Variants in HPSE2 observed in about 807,000 individuals in gnomAD.
HPSE2 encodes the protein inactive heparanase-2.
HPSE2 carries 38 observed loss-of-function variants against 60.5 expected under a neutral mutation model. The observed-to-expected ratio is 0.63, with a 90% CI of 0.48 to 0.82. The LOEUF (loss-of-function observed/expected upper bound fraction) is 0.82. Ranked by LOEUF, HPSE2 falls within the 40% of genes least tolerant of loss-of-function variation. The pLI, the probability that HPSE2 is intolerant of heterozygous loss-of-function variation, is 0.00. For missense variants in HPSE2, 713 were observed against 740.4 expected, an observed-to-expected ratio of 0.96 and a Z score of 0.43; for synonymous variants, 295 against 293.2, an observed-to-expected ratio of 1.01 and a Z score of -0.06.
At chr10:99,231,483 A>G (rs1181174249) in intron 2 of HPSE2, among the ~76,000 whole-genome samples, 1 of 152,192 alleles carries the variant, frequency 6.6e-6, no homozygotes, top group Non-Finnish European at 1.5e-5. Context: ...CCCTCCACTT[A>G]AACAGGAAGT....
At chr10:98,526,940 C>CT (rs978443579) in intron 9 of HPSE2, among the ~76,000 whole-genome samples, 3 of 151,916 alleles carry the variant, frequency 2.0e-5, no homozygotes, top group African/African-American at 4.8e-5. Flanking sequence ...GGGGCAAAAA[C>CT]TTTTTTTTAA....
At chr10:99,088,826 G>A (rs1411880940) in intron 3 of HPSE2, among the ~76,000 whole-genome samples, 3 of 152,136 alleles carry the variant, frequency 2.0e-5, no homozygotes, top group African/African-American at 4.8e-5. Flanking sequence ...CACCAACAGT[G>A]TAAAAGCATT....
At chr10:98,677,416 T>G (rs1257028359) in intron 6 of HPSE2, among the ~76,000 whole-genome samples, 3 of 152,210 alleles carry the variant, frequency 2.0e-5, no homozygotes, top group Non-Finnish European at 4.4e-5. Context: ...ATCTGTATAT[T>G]CTACAGTGAG....
At chr10:99,178,288 TAG>T in intron 2 of HPSE2, among the ~76,000 whole-genome samples, 1 of 150,972 alleles carries the variant, frequency 6.6e-6, no homozygotes, top group Middle Eastern at 3.4e-3. Context: ...CTGAAGGAGA[TAG>T]AGACACGAAA....
intron 3 of HPSE2, among the ~76,000 whole-genome samples, chr10:98,968,723 T>C (rs992685525): frequency 2.3e-4 from 35 of 152,200 alleles, no homozygotes; most frequent in African/African-American, 8.2e-4. Context: ...GAGGTTGTTG[T>C]TCTAAGTGAA....
At chr10:98,725,730 A>C (rs188002051) in intron 4 of HPSE2, among the ~76,000 whole-genome samples, 2,294 of 152,268 alleles carry the variant, frequency 0.015, 31 homozygotes, top group African/African-American at 0.03. Context: ...AAATTTTTGC[A>C]ACCTACTCAT....
At chr10:98,907,070 T>G (rs1441921232) in intron 3 of HPSE2, among the ~76,000 whole-genome samples, 1 of 152,188 alleles carries the variant, frequency 6.6e-6, no homozygotes, top group Non-Finnish European at 1.5e-5. Context: ...GAAGTCCAAT[T>G]ATTATGCCCA....
At chr10:98,549,185 CATAG>C (rs1012842193) in intron 9 of HPSE2, among the ~76,000 whole-genome samples, 4 of 152,072 alleles carry the variant, frequency 2.6e-5, no homozygotes, top group Non-Finnish European at 4.4e-5. Context: ...TACTGTCTCT[CATAG>C]AGAGACATTG....
intron 2 of HPSE2, among the ~76,000 whole-genome samples, chr10:99,144,629 T>C (rs1293516650): frequency 1.3e-5 from 2 of 152,188 alleles, no homozygotes; most frequent in Admixed American, 1.3e-4. Context: ...TTCTTAGCTC[T>C]TTCTGACATC....
In HPSE2 at chr10:98,931,100, C is replaced by T. The variant is rs879573519; in HGVS notation, c.611-187044G>A. Among the ~76,000 whole-genome samples the T allele has an allele frequency of 5.6e-5, 8 of 143,402 alleles. 2 individuals are homozygous for T. The highest frequency in any genetic ancestry group is 1.1e-4 in the African/African-American group (4 of 35,370). The allele number at this position is 143,402 out of a possible 152,430, so 94.1% of individuals were successfully genotyped here. ...TTTCTTCTAGGGTTTTTATGGTTTTCGGTTTTACATTTAAGTCTTTAATCC... is the reference window on the plus strand; with the variant it reads ...TTTCTTCTAGGGTTTTTATGGTTTTTGGTTTTACATTTAAGTCTTTAATCC... On this transcript the variant is annotated intron_variant, in intron 3 of 11. Transcript: ENST00000370552.
intron 9 of HPSE2, among the ~76,000 whole-genome samples, chr10:98,530,138 C>T (rs907952306): frequency 6.6e-6 from 1 of 152,204 alleles, no homozygotes; most frequent in East Asian, 1.9e-4. Context: ...CTGGCTGCTT[C>T]ATTTGTATTT....
intron 3 of HPSE2, among the ~76,000 whole-genome samples, chr10:98,934,594 G>T (rs1338723588): frequency 6.9e-6 from 1 of 144,246 alleles, no homozygotes; most frequent in East Asian, 2.0e-4. Context: ...TAACAATGTT[G>T]AACATTGGCC....
intron 3 of HPSE2, among the ~76,000 whole-genome samples, chr10:99,037,448 TA>T (rs1957635772): frequency 6.6e-6 from 1 of 152,116 alleles, no homozygotes; most frequent in African/African-American, 2.4e-5. Flanking sequence ...AGTATAAAAT[TA>T]GTTTGAAATT....
At chr10:98,699,066 G>A (rs1055748720) in intron 5 of HPSE2, among the ~76,000 whole-genome samples, 2 of 151,924 alleles carry the variant, frequency 1.3e-5, no homozygotes, top group African/African-American at 2.4e-5. Flanking sequence ...AGAGGTACAA[G>A]GAGGAACTGG....
At chr10:99,273,422 A>C in the HPSE2 span, among the ~76,000 whole-genome samples, 7 of 152,222 alleles carry the variant, frequency 4.6e-5, no homozygotes, top group Non-Finnish European at 1.5e-5. Flanking sequence ...TGAAATAAAT[A>C]AATAAATAAA....
chr10:98,929,120 T>C (rs1472848045), intron 3 of HPSE2, among the ~76,000 whole-genome samples: 1 of 143,852 alleles, frequency 7.0e-6, no homozygotes, highest in East Asian at 2.0e-4. Flanking sequence ...CACAAACCCA[T>C]ACCTTCTTTC....
chr10:98,922,903 T>C (rs1027479752), intron 3 of HPSE2, among the ~76,000 whole-genome samples: 1 of 152,238 alleles, frequency 6.6e-6, no homozygotes. Flanking sequence ...TCGTTTATTC[T>C]TTCTACTTTA....
At chr10:99,303,701 C>T in the HPSE2 span, among the ~76,000 whole-genome samples, 4 of 152,152 alleles carry the variant, frequency 2.6e-5, no homozygotes, top group Admixed American at 2.6e-4. Context: ...TTTGGAGGAT[C>T]TCTGCTACTT....
chr10:99,255,881 T>C, the HPSE2 span, among the ~76,000 whole-genome samples: 2 of 152,140 alleles, frequency 1.3e-5, no homozygotes, highest in Non-Finnish European at 2.9e-5. Context: ...CTGGGTAAGT[T>C]ATAAAGAAAA....
Sources: allele counts gnomAD v4.1 joint callset (sites outside exome capture counted in the v4.1 genomes callset), GRCh38; gene constraint gnomAD v4.1.1; transcripts MANE v1.5; gene names NCBI Gene and HGNC (gene_info 2026-07-23, HGNC 2026-07-21).